The following ZNF750 variants were observed in gnomAD, a reference collection of about 807,000 sequenced individuals.
ZNF750 encodes the protein zinc finger protein 750.
ZNF750 carries 10 observed loss-of-function variants against 31.6 expected under a neutral mutation model. That is an observed-to-expected ratio of 0.32 (90% CI 0.19 to 0.54). The LOEUF is 0.54. Ranked by LOEUF, ZNF750 falls within the 20% of genes least tolerant of loss-of-function variation. The probability of loss-of-function intolerance (pLI) is 0.95; values close to 1 mark genes in which losing one functional copy is unlikely to be tolerated. For missense variants in ZNF750, 914 were observed against 934.9 expected, an observed-to-expected ratio of 0.98 and a Z score of 0.29; for synonymous variants, 400 against 404.9, an observed-to-expected ratio of 0.99 and a Z score of 0.15.
intron 1 of ZNF750, among the ~76,000 whole-genome samples, chr17:82,836,454 C>T (rs114542425): frequency 0.01 from 1,551 of 152,308 alleles, 32 homozygotes; most frequent in African/African-American, 0.035. Flanking sequence ...CTCGCGAGAC[C>T]GAAACGCCGC....
At position 82,830,463 on chromosome 17, in the gene ZNF750, C is replaced by T. The variant is rs910917505; in HGVS notation, c.1851G>A (p.Glu617=). The change falls in exon 3 of 3, where the codon GAG becomes GAA. Residue 617 remains glutamate (E), a synonymous_variant. Transcript: ENST00000269394. ...TGTCCACCGCGCATGCGTCTGGAGCCTCCTCGCCGGGGCCTGTGGGTGGGG... is the reference window on the plus strand; with the variant it reads ...TGTCCACCGCGCATGCGTCTGGAGCTTCCTCGCCGGGGCCTGTGGGTGGGG... The part of the protein sequence containing the change: ...DGAPPTGPGE[E]APDACAVDSS... The T allele has an allele frequency of 3.7e-6, 6 of 1,612,664 alleles. No individual in the cohort carries two copies. The highest frequency in any genetic ancestry group is 2.2e-5 in the East Asian group (1 of 44,884).
chr17:82,830,096 G>A lies in ZNF750; in HGVS notation c.*46C>T. On this transcript the variant is annotated 3_prime_UTR_variant, in exon 3 of 3. Coordinates refer to ENST00000269394, the MANE Select transcript of ZNF750 (RefSeq NM_024702.3). ...GTGTTGTAGCTTGCCACCTTGGAAG[G>A]CGTGTGTGTGGCCGTAGCTCTGTGA... is the stretch of plus-strand genomic sequence containing the variant. 2.5e-6 allele frequency: 4 copies of A among 1,611,288 alleles called. No individual in the cohort carries two copies. Among genetic ancestry groups the A allele is most frequent in the South Asian group, 2.2e-5 (2 of 90,988 alleles).
intron 1 of ZNF750, among the ~76,000 whole-genome samples, chr17:82,838,021 ATGT>A (rs1476490786): frequency 1.3e-5 from 2 of 152,180 alleles, no homozygotes; most frequent in Admixed American, 6.5e-5. Context: ...AATATTTTAA[ATGT>A]TGTGTGCTCA....
At chr17:82,838,540 C>A (rs2054181289) in intron 1 of ZNF750, 1 of 606,708 alleles carries the variant, frequency 1.6e-6, no homozygotes. Flanking sequence ...GCTGTAATTA[C>A]AATATTGTGA....
chr17:82,830,405 C>T lies in ZNF750; in HGVS notation c.1909G>A (p.Ala637Thr), dbSNP rs751629740. ...SEEQKQTAAVALCQLAAYSPR... is the reference protein window; with the variant it reads ...SEEQKQTAAVTLCQLAAYSPR... ...CTGTAGGCCGCCAGCTGGCACAGGG[C>T]CACGGCTGCCGTCTGCTTCTGCTCC... is the stretch of plus-strand genomic sequence containing the variant. The change falls in exon 3 of 3, where the codon GCC becomes ACC. Residue 637 changes from alanine to threonine, a missense_variant. This residue lies in a region of ZNF750 where 880 missense variants were observed against 868.9 expected (regional missense o/e 1.01). Transcript: ENST00000269394. The T allele has an allele frequency of 2.5e-6, 4 of 1,611,732 alleles. No individual in the cohort carries two copies. In the South Asian group the frequency reaches 4.4e-5, roughly 18 times the overall value.
rs2053494948 is a variant in ZNF750, at chr17:82,831,380, C to T, written c.1075G>A (p.Ala359Thr). The T allele has an allele frequency of 2.5e-6, 4 of 1,614,026 alleles. No homozygotes were observed. The highest frequency in any genetic ancestry group is 1.6e-4 in the Middle Eastern group (1 of 6,084). ...GGGTTTAACCTGGAAGGACTCGAGG[C>T]TGGATAGACCAGGGTGGCTTCTTCA... Reference protein sequence around the residue: ...LLEEATLVYPASSPSRLNPSD... With the variant: ...LLEEATLVYPTSSPSRLNPSD... Residue 359 changes from alanine to threonine, a missense_variant, in exon 2 of 3, where the codon GCC becomes ACC. Ala to Thr is a moderately conservative substitution (Grantham distance 58, BLOSUM62 0). Coordinates refer to ENST00000269394, the MANE Select transcript of ZNF750 (RefSeq NM_024702.3). This position sits in a 1 kb window ranked among gnomAD's most constrained non-coding sequence, Gnocchi z 4.6.
rs773981424 is a variant in ZNF750 at position 82,831,996 on chromosome 17, C to T, written c.459G>A (p.Leu153=). The T allele has an allele frequency of 1.2e-5, 20 of 1,612,896 alleles. No homozygotes were observed. Among genetic ancestry groups the T allele is most frequent in the Non-Finnish European group, 1.6e-5 (19 of 1,179,118 alleles). ...ATGCAGAAGGCCGAGCTGCGCCTTC[C>T]AGAGCAGGCTGGGCACCGAGGGCGG... The part of the protein sequence containing the change: ...PEAALGAQPA[L]EGAARPSAFV... Residue 153 remains leucine (L), a synonymous_variant, in exon 2 of 3, where the codon CTG becomes CTA. Transcript: ENST00000269394. The surrounding 1 kb of genome is among the most constrained non-coding windows in gnomAD (Gnocchi z 4.6).
In ZNF750 at chr17:82,831,386, A is replaced by G; in HGVS notation, c.1069T>C (p.Tyr357His). Reference sequence around the variant, plus strand: ...AACCTGGAAGGACTCGAGGCTGGATAGACCAGGGTGGCTTCTTCAAGCAGG... The same window carrying G: ...AACCTGGAAGGACTCGAGGCTGGATGGACCAGGGTGGCTTCTTCAAGCAGG... ...SHLLEEATLVYPASSPSRLNP... is the reference protein window; with the variant it reads ...SHLLEEATLVHPASSPSRLNP... The change falls in exon 2 of 3, where the codon TAT (tyrosine) becomes CAT (histidine). Residue 357 changes from tyrosine (Y) to histidine (H), a missense_variant. Tyr to His is a moderately conservative substitution (Grantham distance 83). This residue lies in a region of ZNF750 where 880 missense variants were observed against 868.9 expected (regional missense o/e 1.01). Transcript: ENST00000269394. This position sits in a 1 kb window ranked among gnomAD's most constrained non-coding sequence, Gnocchi z 4.6. 1 of 1,614,158 alleles carries G rather than the reference A, an allele frequency of 6.2e-7. No homozygotes were observed. Among genetic ancestry groups the G allele is most frequent in the Non-Finnish European group, 8.5e-7 (1 of 1,180,020 alleles).
Position 82,835,215 on chromosome 17 carries a change from G to GA in ZNF750, c.-182-2580dup, listed in dbSNP as rs1213931947. Among the ~76,000 whole-genome samples the GA allele has an allele frequency of 2.0e-5, 3 of 152,132 alleles. No homozygotes were observed. Among genetic ancestry groups the GA allele is most frequent in the African/African-American group, 4.8e-5 (2 of 41,428 alleles). On this transcript the variant is annotated intron_variant, in intron 1 of 2. Coordinates refer to ENST00000269394, the MANE Select transcript of ZNF750 (RefSeq NM_024702.3). This position sits in a 1 kb window ranked among gnomAD's most constrained non-coding sequence, Gnocchi z 4.5. ...AAAGTCAAGTGAAAAGCCGCCCCTT[G>GA]AAAATAGAGCAACGTGTGTGGGAGC...
intron 1 of ZNF750, 136 bp downstream of exon 1, chr17:82,839,791 C>T (rs1161896684): frequency 6.6e-6 from 1 of 152,236 alleles, no homozygotes; most frequent in Non-Finnish European, 1.5e-5. Flanking sequence ...CCTGCTGGGT[C>T]CTGAGTAATC....
At chr17:82,836,110 A>G (rs2053949823) in intron 1 of ZNF750, among the ~76,000 whole-genome samples, 1 of 152,232 alleles carries the variant, frequency 6.6e-6, no homozygotes, top group South Asian at 2.1e-4. Flanking sequence ...AGAACGTGAA[A>G]TAATTCTTTA....
chr17:82,832,325 T>G lies in ZNF750; in HGVS notation c.130A>C (p.Met44Leu). 6.2e-7 allele frequency: 1 copy of G among 1,614,214 alleles called. No individual in the cohort carries two copies. The highest frequency in any genetic ancestry group is 8.5e-7 in the Non-Finnish European group (1 of 1,180,024). ...CNEKSHLFNH[M>L]KYGLCKNSIT... ...GAGTTTTTACAAAGACCATACTTCA[T>G]GTGATTAAAAAGATGTGACTTCTCA... The change falls in exon 2 of 3, where the codon ATG becomes CTG. Residue 44 changes from methionine (M) to leucine (L), a missense_variant. Around this residue, in one of 2 missense-constraint regions of ZNF750, gnomAD observed 34 missense variants for 66.0 expected, o/e 0.52. Transcript: ENST00000269394. This position sits in a 1 kb window ranked among gnomAD's most constrained non-coding sequence, Gnocchi z 4.9.
intron 1 of ZNF750, chr17:82,838,676 G>C: frequency 1.0e-6 from 1 of 985,426 alleles, no homozygotes; most frequent in South Asian, 4.7e-5. Flanking sequence ...CTCCCTCCCA[G>C]CCTTTCGGTT....
rs1250810402 is a variant in ZNF750, at chr17:82,838,931, G to T, written c.-183+996C>A. ...CTTTGCTAATGCGCAGTGAAAATTA[G>T]GGGCACAGATGTGGACGGACTGTGC... On this transcript the variant is annotated intron_variant, in intron 1 of 2. Coordinates refer to ENST00000269394, the MANE Select transcript of ZNF750 (RefSeq NM_024702.3). The T allele has an allele frequency of 1.5e-5, 15 of 985,396 alleles. No individual in the cohort carries two copies. The South Asian group carries it at 6.1e-4, about 40-fold the overall frequency. The allele number at this position is 985,396 out of a possible 1,614,324, so 61.0% of individuals were successfully genotyped here.
rs924779376 is a variant in ZNF750, at chr17:82,830,432, C to T, written c.1882G>A (p.Glu628Lys). The T allele has an allele frequency of 2.5e-6, 4 of 1,611,674 alleles. No homozygotes were observed. The highest frequency in any genetic ancestry group is 2.5e-6 in the Non-Finnish European group (3 of 1,179,920). ...APDACAVDSS[E>K]EQKQTAAVAL... ...ACGGCTGCCGTCTGCTTCTGCTCCTCGCTGCTGTCCACCGCGCATGCGTCT... is the reference window on the plus strand; with the variant it reads ...ACGGCTGCCGTCTGCTTCTGCTCCTTGCTGCTGTCCACCGCGCATGCGTCT... Residue 628 changes from glutamate (E) to lysine (K), a missense_variant, in exon 3 of 3, where the codon GAG becomes AAG. By Grantham distance (56) the Glu-to-Lys change is moderately conservative. Around this residue, in one of 2 missense-constraint regions of ZNF750, gnomAD observed 880 missense variants for 868.9 expected, o/e 1.01. Coordinates refer to ENST00000269394, the MANE Select transcript of ZNF750 (RefSeq NM_024702.3).
chr17:82,836,974 A>G (rs1317153729), intron 1 of ZNF750, among the ~76,000 whole-genome samples: 1 of 152,130 alleles, frequency 6.6e-6, no homozygotes, highest in Non-Finnish European at 1.5e-5. Context: ...CTCGAAGGGA[A>G]TTGGTGTCGA....
chr17:82,839,666 T>C (rs1473346494), intron 1 of ZNF750, among the ~76,000 whole-genome samples: 1 of 152,208 alleles, frequency 6.6e-6, no homozygotes, highest in East Asian at 1.9e-4. Flanking sequence ...TTAACTTTTA[T>C]GAATTTTAGG....
At position 82,829,889 on chromosome 17, in the gene ZNF750, G is replaced by T; in HGVS notation, c.*253C>A. On this transcript the variant is annotated 3_prime_UTR_variant, in exon 3 of 3. Coordinates refer to ENST00000269394, the MANE Select transcript of ZNF750 (RefSeq NM_024702.3). ...ATCTTCTGTAAGACAGCTTAGACTT[G>T]AAAATACATATCAGTCTTAGAGTCA... The T allele has an allele frequency of 1.8e-6, 1 of 570,356 alleles. No individual in the cohort carries two copies. The highest frequency in any genetic ancestry group is 3.1e-6 in the Non-Finnish European group (1 of 326,262). The allele number at this position is 570,356 out of a possible 1,614,324, so 35.3% of individuals were successfully genotyped here.
chr17:82,838,920 A>G (rs2145410398), intron 1 of ZNF750: 1 of 985,454 alleles, frequency 1.0e-6, no homozygotes, highest in Non-Finnish European at 1.2e-6. Flanking sequence ...GCTAATGCGC[A>G]GTGAAAATTA....
Sources: gnomAD v4.1 joint callset for allele counts (sites outside exome capture counted in the v4.1 genomes callset) on GRCh38, gnomAD v4.1.1 for gene constraint, gnomAD v4.1.1 regional missense constraint, Gnocchi (gnomAD v3.1) non-coding constraint, MANE v1.5 for transcripts, NCBI Gene and HGNC (gene_info 2026-07-23, HGNC 2026-07-21) for gene names.